GRAMD1B: variants seen among roughly 807,000 people sequenced by gnomAD.
The protein encoded by GRAMD1B is GRAM domain containing 1B, also known as protein Aster-B.
In GRAMD1B, 37 loss-of-function variants were observed where a neutral mutation model predicts 99.7. That is an observed-to-expected ratio of 0.37 (90% CI 0.29 to 0.49). The LOEUF is 0.49. Among genes scored for constraint, GRAMD1B ranks in the 20% least tolerant of loss-of-function variants. The pLI is 0.98. For missense variants in GRAMD1B, 888 were observed against 1,009.2 expected (o/e 0.88, Z 1.63); for synonymous variants, 427 against 387.6 (o/e 1.10, Z -1.19).
At chr11:123,376,708 C>T (rs1364064273) in intron 1 of GRAMD1B, among the ~76,000 whole-genome samples, 1 of 152,096 alleles carries the variant, frequency 6.6e-6, no homozygotes, top group Non-Finnish European at 1.5e-5. Context: ...TTTTAATTGC[C>T]CAAATCTTGC....
At chr11:123,490,178 GAGGACATAGTACC>G (rs1186324712) in intron 2 of GRAMD1B, among the ~76,000 whole-genome samples, 2 of 152,332 alleles carry the variant, frequency 1.3e-5, no homozygotes, top group South Asian at 4.1e-4. Flanking sequence ...CTTAAAGGAA[GAGGACATAGTACC>G]AGGCAAAGTG....
intron 1 of GRAMD1B, among the ~76,000 whole-genome samples, chr11:123,361,434 A>C (rs1245607373): frequency 6.6e-6 from 1 of 152,184 alleles, no homozygotes; most frequent in Non-Finnish European, 1.5e-5. Flanking sequence ...CTTGCCCTGC[A>C]GAAGAGGTCA....
At chr11:123,376,254 C>A (rs114175156) in intron 1 of GRAMD1B, among the ~76,000 whole-genome samples, 1,656 of 152,214 alleles carry the variant, frequency 0.011, 31 homozygotes, top group African/African-American at 0.038. Flanking sequence ...GGTTTCTAAT[C>A]TTTTCTAGTT....
chr11:123,403,791 G>A (rs529597389), intron 1 of GRAMD1B, among the ~76,000 whole-genome samples: 13 of 152,030 alleles, frequency 8.6e-5, no homozygotes, highest in South Asian at 2.1e-4. Context: ...TGATCTGCCC[G>A]CCTTGGCCTC....
intron 3 of GRAMD1B, among the ~76,000 whole-genome samples, chr11:123,582,391 T>C (rs1327951510): frequency 2.0e-4 from 31 of 152,146 alleles, no homozygotes; most frequent in Non-Finnish European, 1.2e-4. Context: ...GAAAAAATAG[T>C]TTTTAATATT....
intron 1 of GRAMD1B, among the ~76,000 whole-genome samples, chr11:123,418,237 T>A (rs976429967): frequency 1.3e-5 from 2 of 152,172 alleles, no homozygotes; most frequent in Non-Finnish European, 2.9e-5. Flanking sequence ...AAGAGGATGG[T>A]TATTTTTCTG....
chr11:123,491,819 G>A, intron 2 of GRAMD1B: 1 of 399,090 alleles, frequency 2.5e-6, no homozygotes, highest in South Asian at 1.3e-4. Flanking sequence ...GGTCCCAGCT[G>A]CCATGTGGCC....
intron 3 of GRAMD1B, among the ~76,000 whole-genome samples, chr11:123,581,416 T>A (rs985574364): frequency 2.0e-5 from 3 of 152,142 alleles, no homozygotes; most frequent in Non-Finnish European, 4.4e-5. Context: ...GCAGCTCCTC[T>A]GACTTCCCTG....
At chr11:123,368,843 T>C (rs540324879) in intron 1 of GRAMD1B, among the ~76,000 whole-genome samples, 2 of 151,982 alleles carry the variant, frequency 1.3e-5, no homozygotes, top group African/African-American at 4.8e-5. Flanking sequence ...AGTCCCAGGG[T>C]AAGAAGATGG....
At chr11:123,394,638 G>A (rs1947395530) in intron 1 of GRAMD1B, among the ~76,000 whole-genome samples, 1 of 152,082 alleles carries the variant, frequency 6.6e-6, no homozygotes, top group African/African-American at 2.4e-5. Flanking sequence ...CATGAACTTA[G>A]CATAAACTTT....
At chr11:123,599,398 T>C in intron 7 of GRAMD1B, 1 of 674,902 alleles carries the variant, frequency 1.5e-6, no homozygotes, top group Non-Finnish European at 2.8e-6. Context: ...ATGACATCCA[T>C]GAGCCATTCC....
chr11:123,552,573 A>T (rs1428494679), intron 2 of GRAMD1B, among the ~76,000 whole-genome samples: 1 of 152,128 alleles, frequency 6.6e-6, no homozygotes, highest in Non-Finnish European at 1.5e-5. Flanking sequence ...CAAAGGCAGC[A>T]ATTTTCAAAA....
At chr11:123,544,594 C>T (rs1267303014) in intron 2 of GRAMD1B, among the ~76,000 whole-genome samples, 1 of 152,208 alleles carries the variant, frequency 6.6e-6, no homozygotes, top group East Asian at 1.9e-4. Context: ...GCTAACTCTC[C>T]CTGGGAGGAA....
rs191506074 is a variant in GRAMD1B, at chr11:123,403,326, C to T, written c.-176+44527C>T. Among the ~76,000 whole-genome samples the T allele has an allele frequency of 7.3e-5, 11 of 151,626 alleles. No individual in the cohort carries two copies. In the East Asian group the frequency reaches 2.2e-3, roughly 30 times the overall value. Reference sequence around the variant, plus strand: ...CCTGTAGTCCCAGCTACTCAGGAGGCTGAGGCAGGAGAATTGTTTGAACAC... The same window carrying T: ...CCTGTAGTCCCAGCTACTCAGGAGGTTGAGGCAGGAGAATTGTTTGAACAC... On this transcript the variant is annotated intron_variant, in intron 1 of 20. Coordinates refer to the GRAMD1B transcript ENST00000638157.
At chr11:123,518,521 G>C (rs1941892886) in intron 2 of GRAMD1B, among the ~76,000 whole-genome samples, 1 of 152,190 alleles carries the variant, frequency 6.6e-6, no homozygotes, top group South Asian at 2.1e-4. Context: ...CTTACCCCGA[G>C]TTGCATGAGG....
At chr11:123,495,138 CAG>C (rs1939092095) in intron 2 of GRAMD1B, among the ~76,000 whole-genome samples, 1 of 149,266 alleles carries the variant, frequency 6.7e-6, no homozygotes, top group African/African-American at 2.5e-5. Context: ...CACACACACA[CAG>C]ACACACATAC....
chr11:123,508,426 A>C (rs890751930), intron 2 of GRAMD1B, among the ~76,000 whole-genome samples: 4 of 152,214 alleles, frequency 2.6e-5, no homozygotes, highest in African/African-American at 9.6e-5. Context: ...CTATACTGTT[A>C]CAGTGACCAT....
chr11:123,610,356 C>T lies in GRAMD1B; in HGVS notation c.1919+18C>T, dbSNP rs1953370091. ...CGACTCAGGTGTGGTGTGTGGAAGT[C>T]CCAGTGCGGTCAGACGGGGGTCCTT... is the stretch of plus-strand genomic sequence containing the variant. On this transcript the variant is annotated intron_variant, in intron 14 of 19. Transcript: ENST00000635736. This position sits in a 1 kb window ranked among gnomAD's most constrained non-coding sequence, Gnocchi z 4.1. The T allele has an allele frequency of 1.2e-6, 2 of 1,612,852 alleles. No individual in the cohort carries two copies. Among genetic ancestry groups the T allele is most frequent in the South Asian group, 2.2e-5 (2 of 91,054 alleles).
At chr11:123,371,022 G>A (rs540719622) in intron 1 of GRAMD1B, among the ~76,000 whole-genome samples, 1 of 150,396 alleles carries the variant, frequency 6.6e-6, no homozygotes, top group East Asian at 2.0e-4. Flanking sequence ...TTTAAGGGAG[G>A]AATTGAATGA....
Sources: allele counts gnomAD v4.1 joint callset (sites outside exome capture counted in the v4.1 genomes callset), GRCh38; gene constraint gnomAD v4.1.1; non-coding constraint Gnocchi (gnomAD v3.1); transcripts MANE v1.5; gene names NCBI Gene and HGNC (gene_info 2026-07-23, HGNC 2026-07-21).